CACNB3: variants seen among roughly 807,000 people sequenced by gnomAD.
CACNB3 encodes the protein voltage-dependent L-type calcium channel subunit beta-3.
Under a neutral mutation model 63.7 loss-of-function variants are expected in CACNB3, and 36 were observed. The observed-to-expected ratio is 0.57, with a 90% CI of 0.43 to 0.75. The LOEUF is 0.75. CACNB3 is among the 30% of genes least tolerant of loss of function. The pLI is 0.00. For missense variants in CACNB3, 493 were observed against 648.6 expected (o/e 0.76, Z 2.61); for synonymous variants, 241 against 250.6 (o/e 0.96, Z 0.36).
At position 48,825,176 on chromosome 12, in the gene CACNB3, C is replaced by T; in HGVS notation, c.506C>T (p.Pro169Leu). The T allele has an allele frequency of 6.2e-7, 1 of 1,614,070 alleles. No homozygotes were observed. Residue 169 changes from proline (P) to leucine (L), a missense_variant, in exon 7 of 13, where the codon CCC becomes CTC. By Grantham distance (98) the Pro-to-Leu change is moderately conservative (BLOSUM62 -3). Transcript: ENST00000301050. This position sits in a 1 kb window ranked among gnomAD's most constrained non-coding sequence, Gnocchi z 4.5. ...TCCATTCTGCAGGCGGAACATGTTC[C>T]CCCATATGACGTGGTGCCCTCCATG... ...KQKQKQAEHV[P>L]PYDVVPSMRP...
In CACNB3 at chr12:48,828,825, G is replaced by A. The variant is rs1045356; in HGVS notation, c.*926G>A. 1 of 454,228 alleles carries A rather than the reference G, an allele frequency of 2.2e-6. No individual in the cohort carries two copies. The highest frequency in any genetic ancestry group is 1.6e-5 in the South Asian group (1 of 64,356). The allele number at this position is 454,228 out of a possible 1,614,324, so 28.1% of individuals were successfully genotyped here. On this transcript the variant is annotated 3_prime_UTR_variant, in exon 13 of 13. Transcript: ENST00000301050. ...GTTAGATGGGGAGAGACAGGGCACA[G>A]AGGACCTGTCTCCCCGGCTACTCTT... is the stretch of plus-strand genomic sequence containing the variant.
chr12:48,824,823 A>T (rs568822844), intron 5 of CACNB3, 90 bp downstream of exon 5: 2 of 1,537,972 alleles, frequency 1.3e-6, no homozygotes, highest in Admixed American at 3.4e-5. Context: ...CTGTGTGGGA[A>T]GGGTTTGTGG....
intron 1 of CACNB3, among the ~76,000 whole-genome samples, chr12:48,822,350 C>A (rs1479503575): frequency 6.6e-6 from 1 of 152,140 alleles, no homozygotes; most frequent in Non-Finnish European, 1.5e-5. Context: ...TGTGCCTCTC[C>A]CTCATGGTCT....
chr12:48,826,133 T>C lies in CACNB3; in HGVS notation c.743-234T>C. 1 of 582,114 alleles carries C rather than the reference T, an allele frequency of 1.7e-6. No homozygotes were observed. The highest frequency in any genetic ancestry group is 2.1e-5 in the South Asian group (1 of 48,076). The allele number at this position is 582,114 out of a possible 1,614,324, so 36.1% of individuals were successfully genotyped here. On this transcript the variant is annotated intron_variant, in intron 9 of 12. Transcript: ENST00000301050. The surrounding 1 kb of genome is among the most constrained non-coding windows in gnomAD (Gnocchi z 4.8). ...CATGAGCCACCATGCCTGGCCCCTC[T>C]TCCCTTTTCTCTTCCTTACCTCCTT...
rs1297333200 is a variant in CACNB3 at position 48,818,762 on chromosome 12, G to T, written c.-168G>T. The T allele has an allele frequency of 1.3e-5, 17 of 1,341,480 alleles. No homozygotes were observed. Among genetic ancestry groups the T allele is most frequent in the Non-Finnish European group, 1.6e-5 (17 of 1,046,468 alleles). The allele number at this position is 1,341,480 out of a possible 1,614,324, so 83.1% of individuals were successfully genotyped here. ...GGAGCGGTGATCTGAGCTCCGAGCAGCTGGTCTTCGCGGCTCGCTCCCTCC... is the reference window on the plus strand; with the variant it reads ...GGAGCGGTGATCTGAGCTCCGAGCATCTGGTCTTCGCGGCTCGCTCCCTCC... On this transcript the variant is annotated 5_prime_UTR_variant, in exon 1 of 13. Coordinates refer to ENST00000301050, the MANE Select transcript of CACNB3 (RefSeq NM_000725.4). The surrounding 1 kb of genome is among the most constrained non-coding windows in gnomAD (Gnocchi z 4.3).
upstream of CACNB3, chr12:48,815,738 G>T (rs558254527): frequency 2.9e-6 from 4 of 1,402,086 alleles, no homozygotes; most frequent in South Asian, 1.2e-5. Context: ...GGTAACCGTG[G>T]GGGGGGTGTG....
rs1415494049 is a variant in CACNB3, at chr12:48,826,207, A to AC, written c.743-156dup. On this transcript the variant is annotated intron_variant, in intron 9 of 12. Transcript: ENST00000301050. This position sits in a 1 kb window ranked among gnomAD's most constrained non-coding sequence, Gnocchi z 4.8. ...CTGCCCCCAGGATTGGCAAGAACAC[A>AC]CCCCTCCTCCTCAATTCCCATTCCT... 3 of 677,702 alleles carry AC rather than the reference A, an allele frequency of 4.4e-6. No homozygotes were observed. The highest frequency in any genetic ancestry group is 3.6e-5 in the African/African-American group (2 of 55,472). The allele number at this position is 677,702 out of a possible 1,614,324, so 42.0% of individuals were successfully genotyped here.
chr12:48,817,726 CGAG>C (rs1278272916), upstream of CACNB3: 1 of 152,222 alleles, frequency 6.6e-6, no homozygotes, highest in Non-Finnish European at 1.5e-5. Flanking sequence ...CTAGTGACTC[CGAG>C]GAGACTGGCC....
At chr12:48,824,501 A>G (rs1392586236) in intron 4 of CACNB3, 128 bp downstream of exon 4, 1 of 1,031,840 alleles carries the variant, frequency 9.7e-7, no homozygotes, top group African/African-American at 1.6e-5. Context: ...GCCCAGCTCT[A>G]CACACTCAAC....
In CACNB3 at chr12:48,825,527, A is replaced by G; in HGVS notation, c.632+35A>G. ...CCTGGCCTGAGGTGGCCTGAGAACC[A>G]AGGAGAAGCTCATGGCCTACTTCCA... On this transcript the variant is annotated intron_variant, in intron 8 of 12. Coordinates refer to ENST00000301050, the MANE Select transcript of CACNB3 (RefSeq NM_000725.4). The surrounding 1 kb of genome is among the most constrained non-coding windows in gnomAD (Gnocchi z 4.5). 2 of 1,611,878 alleles carry G rather than the reference A, an allele frequency of 1.2e-6. No individual in the cohort carries two copies. Among genetic ancestry groups the G allele is most frequent in the South Asian group, 1.1e-5 (1 of 91,040 alleles).
At position 48,825,956 on chromosome 12, in the gene CACNB3, G is replaced by A. The variant is rs763542285; in HGVS notation, c.742+187G>A. On this transcript the variant is annotated intron_variant, in intron 9 of 12. Transcript: ENST00000301050. The surrounding 1 kb of genome is among the most constrained non-coding windows in gnomAD (Gnocchi z 4.5). ...CGATCTTCCCATCTCAGCCTCCTGA[G>A]TAGCCGGGACTACAGGCGCCCATCA... Among the ~76,000 whole-genome samples, 3 of 152,038 alleles carry A rather than the reference G, an allele frequency of 2.0e-5. No homozygotes were observed. The highest frequency in any genetic ancestry group is 4.4e-5 in the Non-Finnish European group (3 of 68,030).
rs531349718 is a variant in CACNB3 at position 48,825,536 on chromosome 12, C to G, written c.632+44C>G. 6.2e-7 allele frequency: 1 copy of G among 1,605,794 alleles called. No individual in the cohort carries two copies. Among genetic ancestry groups the G allele is most frequent in the African/African-American group, 1.3e-5 (1 of 74,870 alleles). ...AGGTGGCCTGAGAACCAAGGAGAAG[C>G]TCATGGCCTACTTCCAGATGCCTGT... On this transcript the variant is annotated intron_variant, in intron 8 of 12. Transcript: ENST00000301050. This position sits in a 1 kb window ranked among gnomAD's most constrained non-coding sequence, Gnocchi z 4.5.
chr12:48,826,675 G>C lies in CACNB3; in HGVS notation c.895-84G>C. The stretch of plus-strand genomic sequence containing the variant: ...CTCACCTGCTACTGATGCCACAAGT[G>C]GAAGAAATGCCTAGCTCTGCCCGGG... On this transcript the variant is annotated intron_variant, in intron 10 of 12. Coordinates refer to ENST00000301050, the MANE Select transcript of CACNB3 (RefSeq NM_000725.4). This position sits in a 1 kb window ranked among gnomAD's most constrained non-coding sequence, Gnocchi z 4.8. The C allele has an allele frequency of 7.0e-7, 1 of 1,432,998 alleles. No homozygotes were observed. The highest frequency in any genetic ancestry group is 9.8e-7 in the Non-Finnish European group (1 of 1,018,810). The allele number at this position is 1,432,998 out of a possible 1,614,324, so 88.8% of individuals were successfully genotyped here.
At chr12:48,822,950 G>A (rs1937929867) in intron 1 of CACNB3, among the ~76,000 whole-genome samples, 1 of 152,214 alleles carries the variant, frequency 6.6e-6, no homozygotes, top group South Asian at 2.1e-4. Context: ...TGCTTTGCAG[G>A]CTGCTATGAA....
Position 48,826,698 on chromosome 12 carries a change from G to A in CACNB3, c.895-61G>A, listed in dbSNP as rs878911222. The A allele has an allele frequency of 2.0e-5, 30 of 1,486,568 alleles. No homozygotes were observed. Among genetic ancestry groups the A allele is most frequent in the Admixed American group, 8.4e-5 (5 of 59,614 alleles). The allele number at this position is 1,486,568 out of a possible 1,614,324, so 92.1% of individuals were successfully genotyped here. A position where few individuals can be genotyped will look rare whatever the true frequency, so the allele number is the denominator to read the frequency against. ...GTGGAAGAAATGCCTAGCTCTGCCC[G>A]GGCTCAGCTCTGCCCAGAGTCCTGA... On this transcript the variant is annotated intron_variant, in intron 10 of 12. Coordinates refer to ENST00000301050, the MANE Select transcript of CACNB3 (RefSeq NM_000725.4). The surrounding 1 kb of genome is among the most constrained non-coding windows in gnomAD (Gnocchi z 4.8).
upstream of CACNB3, chr12:48,815,610 G>T: frequency 6.5e-7 from 1 of 1,533,074 alleles, no homozygotes; most frequent in Non-Finnish European, 8.7e-7. Context: ...GGAGCAGCGT[G>T]CAGAGCAGCG....
At chr12:48,816,741 A>G, upstream of CACNB3, 1 of 538,516 alleles carries the variant, frequency 1.9e-6, no homozygotes, top group Admixed American at 6.3e-5. Flanking sequence ...AGTGCTGCCG[A>G]TGGCAGATCC....
At position 48,827,584 on chromosome 12, in the gene CACNB3, G is replaced by T. The variant is rs755897762; in HGVS notation, c.1141-1G>T. On this transcript the variant is annotated splice_acceptor_variant, in intron 12 of 12. Coordinates refer to ENST00000301050, the MANE Select transcript of CACNB3 (RefSeq NM_000725.4). LOFTEE classifies it high-confidence loss of function. ...ACTGAGAGCTGTTGTATGGCCCCCA[G>T]AACCAGCAGCTGCTGGGGGAGCGTG... is the stretch of plus-strand genomic sequence containing the variant. 44 of 1,611,556 alleles carry T rather than the reference G, an allele frequency of 2.7e-5. No individual in the cohort carries two copies. Among genetic ancestry groups the T allele is most frequent in the Non-Finnish European group, 3.5e-5 (41 of 1,178,864 alleles).
Position 48,818,786 on chromosome 12 carries a change from CCTT to C in CACNB3, c.-142_-140del, listed in dbSNP as rs1937668098. On this transcript the variant is annotated 5_prime_UTR_variant, in exon 1 of 13. Coordinates refer to ENST00000301050, the MANE Select transcript of CACNB3 (RefSeq NM_000725.4). The surrounding 1 kb of genome is among the most constrained non-coding windows in gnomAD (Gnocchi z 4.3). Reference sequence around the variant, plus strand: ...AGCTGGTCTTCGCGGCTCGCTCCCTCCTTCGCGCTCTCTCGCTCCCTGCCGCCG... The same window carrying C: ...AGCTGGTCTTCGCGGCTCGCTCCCTCCGCGCTCTCTCGCTCCCTGCCGCCG... 7.4e-7 allele frequency: 1 copy of C among 1,356,252 alleles called. No individual in the cohort carries two copies. The allele number at this position is 1,356,252 out of a possible 1,614,324, so 84.0% of individuals were successfully genotyped here. A position where few individuals can be genotyped will look rare whatever the true frequency, so the allele number is the denominator to read the frequency against.
Sources: allele counts gnomAD v4.1 joint callset (sites outside exome capture counted in the v4.1 genomes callset), GRCh38; gene constraint gnomAD v4.1.1; non-coding constraint Gnocchi (gnomAD v3.1); transcripts MANE v1.5; gene names NCBI Gene and HGNC (gene_info 2026-07-23, HGNC 2026-07-21).